The following ZHX2 variants were observed in gnomAD, a reference collection of about 807,000 sequenced individuals.
ZHX2 encodes the protein zinc fingers and homeoboxes protein 2.
ZHX2 carries 6 observed loss-of-function variants against 21.9 expected under a neutral mutation model. The observed-to-expected ratio is 0.27, with a 90% CI of 0.15 to 0.54. The LOEUF (loss-of-function observed/expected upper bound fraction) is 0.54. Ranked by LOEUF, ZHX2 falls within the 20% of genes least tolerant of loss-of-function variation. The pLI, the probability that ZHX2 is intolerant of heterozygous loss-of-function variation, is 0.95. For missense variants in ZHX2, 908 were observed against 1,090.7 expected (o/e 0.83, Z 2.36); for synonymous variants, 434 against 437.1 (o/e 0.99, Z 0.09).
chr8:122,897,856 G>T (rs568554684), intron 2 of ZHX2, among the ~76,000 whole-genome samples: 2 of 152,308 alleles, frequency 1.3e-5, no homozygotes, highest in East Asian at 3.9e-4. Flanking sequence ...TGTCAGGACA[G>T]CTTTGTTCTT....
intron 1 of ZHX2, among the ~76,000 whole-genome samples, chr8:122,805,833 G>A (rs1042135757): frequency 3.9e-5 from 6 of 152,134 alleles, no homozygotes; most frequent in African/African-American, 9.7e-5. Flanking sequence ...CCTGCCTCGA[G>A]TTCTCTGCTC....
chr8:122,893,514 T>C (rs960376078), intron 2 of ZHX2, among the ~76,000 whole-genome samples: 1 of 152,156 alleles, frequency 6.6e-6, no homozygotes, highest in African/African-American at 2.4e-5. Flanking sequence ...TTTTTTATTC[T>C]TTATTTTTTA....
intron 3 of ZHX2, among the ~76,000 whole-genome samples, chr8:122,968,795 C>G (rs1423980543): frequency 6.6e-6 from 1 of 150,686 alleles, no homozygotes; most frequent in African/African-American, 2.4e-5. Context: ...GCTGAGATTG[C>G]ACCAGTGAAC....
At chr8:122,922,744 G>A (rs978174691) in intron 2 of ZHX2, among the ~76,000 whole-genome samples, 3 of 152,146 alleles carry the variant, frequency 2.0e-5, no homozygotes, top group African/African-American at 7.2e-5. Context: ...ATGGTACTTG[G>A]GTGTATTGCT....
intron 2 of ZHX2, among the ~76,000 whole-genome samples, chr8:122,931,829 A>C (rs539999247): frequency 6.6e-6 from 1 of 152,152 alleles, no homozygotes; most frequent in Non-Finnish European, 1.5e-5. Context: ...AATGAATGGG[A>C]GAAGGAAATG....
At chr8:122,855,219 G>A (rs1468018181) in intron 1 of ZHX2, among the ~76,000 whole-genome samples, 1 of 152,302 alleles carries the variant, frequency 6.6e-6, no homozygotes, top group South Asian at 2.1e-4. Flanking sequence ...GATTAAATGG[G>A]TGATGCATGT....
chr8:122,956,610 G>A (rs1214503812), intron 3 of ZHX2, among the ~76,000 whole-genome samples: 2 of 152,178 alleles, frequency 1.3e-5, no homozygotes, highest in African/African-American at 4.8e-5. Context: ...AATGCCACTG[G>A]TGAGAAACCA....
chr8:122,827,933 C>T (rs1470502045), intron 1 of ZHX2, among the ~76,000 whole-genome samples: 4 of 152,048 alleles, frequency 2.6e-5, no homozygotes, highest in African/African-American at 7.2e-5. Context: ...GGCAACATGG[C>T]GAGACCCTGC....
chr8:122,951,369 A>G lies in ZHX2; in HGVS notation c.-142A>G, dbSNP rs1813104778. On this transcript the variant is annotated 5_prime_UTR_variant, in exon 3 of 4. Transcript: ENST00000314393. ...CTGAAATCATTCTGAAAACTCAAACAGTAGACTTCAGCACACAAGGAAAGC... is the reference window on the plus strand; with the variant it reads ...CTGAAATCATTCTGAAAACTCAAACGGTAGACTTCAGCACACAAGGAAAGC... The G allele has an allele frequency of 1.6e-5, 11 of 707,884 alleles. No individual in the cohort carries two copies. Among genetic ancestry groups the G allele is most frequent in the Admixed American group, 2.9e-5 (1 of 34,126 alleles). 43.9% of individuals were successfully genotyped at this position (707,884 alleles called of 1,614,324 possible).
intron 1 of ZHX2, among the ~76,000 whole-genome samples, chr8:122,821,718 T>G (rs149381700): frequency 2.5e-3 from 385 of 151,872 alleles, no homozygotes; most frequent in African/African-American, 8.9e-3. Flanking sequence ...ATTTATTTAT[T>G]TATTTAGAGA....
At chr8:122,894,657 G>C (rs1445004456) in intron 2 of ZHX2, among the ~76,000 whole-genome samples, 1 of 152,170 alleles carries the variant, frequency 6.6e-6, no homozygotes, top group Non-Finnish European at 1.5e-5. Context: ...GGGGTGCGGG[G>C]AGCGGGGAGG....
intron 2 of ZHX2, among the ~76,000 whole-genome samples, chr8:122,884,052 G>A (rs928091958): frequency 4.6e-5 from 7 of 152,284 alleles, no homozygotes; most frequent in Non-Finnish European, 8.8e-5. Flanking sequence ...TAGGCTGGGC[G>A]GTAGAGCCTA....
chr8:122,954,830 A>T (rs1403783888), intron 3 of ZHX2, among the ~76,000 whole-genome samples: 7 of 150,322 alleles, frequency 4.7e-5, no homozygotes, highest in African/African-American at 1.5e-4. Context: ...AACACCAAAC[A>T]TGAAGAGGTT....
chr8:122,869,184 C>T (rs1174059925), intron 2 of ZHX2, among the ~76,000 whole-genome samples: 1 of 152,186 alleles, frequency 6.6e-6, no homozygotes, highest in Admixed American at 6.5e-5. Context: ...GAGCTACCTG[C>T]CTCCTTCCCA....
In ZHX2 at chr8:122,798,446, G is replaced by A. The variant is rs796956456; in HGVS notation, c.-283+16500G>A. On this transcript the variant is annotated intron_variant, in intron 1 of 3. Transcript: ENST00000314393. ...ACATCCTGCCAGGGAATGGTGGTGC[G>A]TTGGAATTTTGGCTCTGAATACATT... Among the ~76,000 whole-genome samples the A allele has an allele frequency of 5.3e-5, 8 of 152,236 alleles. 1 individual carries two copies. Among genetic ancestry groups the A allele is most frequent in the South Asian group, 2.1e-4 (1 of 4,828 alleles).
intron 3 of ZHX2, among the ~76,000 whole-genome samples, chr8:122,964,572 A>G (rs1813531953): frequency 1.3e-5 from 2 of 152,082 alleles, no homozygotes; most frequent in South Asian, 4.1e-4. Flanking sequence ...TTTTGCATCT[A>G]TGTCCATCAG....
At chr8:122,890,528 A>G (rs1024167334) in intron 2 of ZHX2, among the ~76,000 whole-genome samples, 3 of 152,132 alleles carry the variant, frequency 2.0e-5, no homozygotes, top group Admixed American at 2.0e-4. Context: ...GTTGAATTGA[A>G]TCTGTAGATG....
chr8:122,863,732 T>C (rs757804286), intron 2 of ZHX2, among the ~76,000 whole-genome samples, 193 bp downstream of exon 2: 5 of 152,040 alleles, frequency 3.3e-5, no homozygotes, highest in Non-Finnish European at 7.4e-5. Context: ...TTCCTGCCAA[T>C]CCCTCCCCAG....
At chr8:122,957,852 G>A (rs934923383) in intron 3 of ZHX2, among the ~76,000 whole-genome samples, 1 of 152,126 alleles carries the variant, frequency 6.6e-6, no homozygotes, top group Non-Finnish European at 1.5e-5. Context: ...CCTGGACAGA[G>A]GCACTCCTTA....
Sources: gnomAD v4.1 joint callset for allele counts (sites outside exome capture counted in the v4.1 genomes callset) on GRCh38, gnomAD v4.1.1 for gene constraint, MANE v1.5 for transcripts, NCBI Gene and HGNC (gene_info 2026-07-23, HGNC 2026-07-21) for gene names.